The following MAPK8IP1 variants were observed in gnomAD, a reference collection of about 807,000 sequenced individuals.
MAPK8IP1 encodes C-Jun-amino-terminal kinase-interacting protein 1.
In MAPK8IP1, 17 loss-of-function variants were observed where a neutral mutation model predicts 72.6. The ratio of observed to expected loss-of-function variants is 0.23; its 90% CI spans 0.16 to 0.35. MAPK8IP1 has a LOEUF of 0.35. Among genes scored for constraint, MAPK8IP1 ranks in the 10% least tolerant of loss-of-function variants. The probability of loss-of-function intolerance (pLI) is 1.00; values close to 1 mark genes in which losing one functional copy is unlikely to be tolerated. For synonymous variants in MAPK8IP1, 401 were observed against 443.4 expected (o/e 0.90, Z 1.20); for missense variants, 789 against 1,009.7 (o/e 0.78, Z 2.96).
chr11:45,902,975 A>G lies in MAPK8IP1; in HGVS notation c.1208A>G (p.Tyr403Cys), dbSNP rs1371153625. The G allele has an allele frequency of 6.2e-7, 1 of 1,612,010 alleles. No individual in the cohort carries two copies. The highest frequency in any genetic ancestry group is 8.5e-7 in the Non-Finnish European group (1 of 1,179,888). Residue 403 changes from tyrosine to cysteine, a missense_variant, in exon 5 of 12, where the codon TAC becomes TGC. Physicochemically the swap from Tyr to Cys is radical, Grantham distance 194 (BLOSUM62 -2). This residue lies in a region of MAPK8IP1 where 377 missense variants were observed against 411.7 expected (regional missense o/e 0.92). Transcript: ENST00000241014. The surrounding 1 kb of genome is among the most constrained non-coding windows in gnomAD (Gnocchi z 9.3). ...AGCCTGCGGCCGTGCTTCGGAGACTACAGTGACGAGAGTGACTCTGCCACC... is the reference window on the plus strand; with the variant it reads ...AGCCTGCGGCCGTGCTTCGGAGACTGCAGTGACGAGAGTGACTCTGCCACC... ...LVSLRPCFGD[Y>C]SDESDSATVY...
intron 1 of MAPK8IP1, among the ~76,000 whole-genome samples, chr11:45,887,668 A>G (rs2086538004): frequency 6.6e-6 from 1 of 152,210 alleles, no homozygotes; most frequent in African/African-American, 2.4e-5. Flanking sequence ...GGAGCTGAGG[A>G]AGCAGACACC....
rs2086620882 is a variant in MAPK8IP1 at position 45,897,975 on chromosome 11, C to T, written c.102-110C>T. 4.2e-6 allele frequency: 3 copies of T among 711,240 alleles called. No individual in the cohort carries two copies. The African/African-American group carries it at 5.3e-5, about 12-fold the overall frequency. 44.1% of individuals were successfully genotyped at this position (711,240 alleles called of 1,614,324 possible). ...ACAGATGAACCCCAAATCCTGTCCT[C>T]TGGGGGCTGTGTTTGGCCTTCAAGA... On this transcript the variant is annotated intron_variant, in intron 1 of 11. Coordinates refer to ENST00000241014, the MANE Select transcript of MAPK8IP1 (RefSeq NM_005456.4).
Position 45,904,695 on chromosome 11 carries a change from G to A in MAPK8IP1, c.1777-23G>A, listed in dbSNP as rs749640146. The A allele has an allele frequency of 3.7e-6, 6 of 1,611,146 alleles. No homozygotes were observed. Among genetic ancestry groups the A allele is most frequent in the South Asian group, 2.2e-5 (2 of 91,042 alleles). On this transcript the variant is annotated intron_variant, in intron 8 of 11. Transcript: ENST00000241014. This position sits in a 1 kb window ranked among gnomAD's most constrained non-coding sequence, Gnocchi z 6.4. ...AGCAGAGGAACAGACAGCAGCTGAC[G>A]TGGCTCCATTTGTCACCTGTAGATT...
chr11:45,886,630 A>G (rs376150528), intron 1 of MAPK8IP1, among the ~76,000 whole-genome samples: 13 of 152,152 alleles, frequency 8.5e-5, no homozygotes, highest in African/African-American at 3.1e-4. Flanking sequence ...CTGAGCTCCT[A>G]TTCCACCACC....
At position 45,900,085 on chromosome 11, in the gene MAPK8IP1, G is replaced by T. The variant is rs530486701; in HGVS notation, c.208-53G>T. 2.7e-6 allele frequency: 3 copies of T among 1,109,396 alleles called. No homozygotes were observed. The highest frequency in any genetic ancestry group is 3.4e-6 in the Non-Finnish European group (3 of 894,212). The allele number at this position is 1,109,396 out of a possible 1,614,324, so 68.7% of individuals were successfully genotyped here. On this transcript the variant is annotated intron_variant, in intron 2 of 11. Coordinates refer to ENST00000241014, the MANE Select transcript of MAPK8IP1 (RefSeq NM_005456.4). The surrounding 1 kb of genome is among the most constrained non-coding windows in gnomAD (Gnocchi z 6.5). ...GCCCGGGCGGGGGGCGGTGCAAGCG[G>T]CCTCGGCCCCGCCCCGGCCCCGCCC...
At chr11:45,896,730 C>G in intron 1 of MAPK8IP1, 1 of 1,460,062 alleles carries the variant, frequency 6.8e-7, no homozygotes, top group East Asian at 2.5e-5. Context: ...GCTCCCCAGG[C>G]TTCTGCAGCA....
chr11:45,887,699 G>T (rs1252802434), intron 1 of MAPK8IP1, among the ~76,000 whole-genome samples: 2 of 152,176 alleles, frequency 1.3e-5, no homozygotes, highest in South Asian at 2.1e-4. Flanking sequence ...TGTGTGGCCA[G>T]CTCTGCGGCA....
chr11:45,902,289 G>C lies in MAPK8IP1; in HGVS notation c.605-83G>C. 1 of 1,267,054 alleles carries C rather than the reference G, an allele frequency of 7.9e-7. No homozygotes were observed. The highest frequency in any genetic ancestry group is 1.1e-6 in the Non-Finnish European group (1 of 887,848). The allele number at this position is 1,267,054 out of a possible 1,614,324, so 78.5% of individuals were successfully genotyped here. A position where few individuals can be genotyped will look rare whatever the true frequency, so the allele number is the denominator to read the frequency against. On this transcript the variant is annotated intron_variant, in intron 4 of 11. Coordinates refer to ENST00000241014, the MANE Select transcript of MAPK8IP1 (RefSeq NM_005456.4). This position sits in a 1 kb window ranked among gnomAD's most constrained non-coding sequence, Gnocchi z 9.3. The stretch of plus-strand genomic sequence containing the variant: ...CCAGGGAGGCTTTGTCTTGGTTTCT[G>C]TGTCACCAAGCTGAGAGTGGCAGGT...
At position 45,895,647 on chromosome 11, in the gene MAPK8IP1, T is replaced by A. The variant is rs1421931044; in HGVS notation, c.102-2438T>A. 1.5e-4 allele frequency among the ~76,000 whole-genome samples: 21 copies of A among 142,314 alleles called. 1 individual carries two copies. Among genetic ancestry groups the A allele is most frequent in the East Asian group, 4.0e-4 (2 of 4,942 alleles). The allele number at this position is 142,314 out of a possible 152,430, so 93.4% of individuals were successfully genotyped here. A position where few individuals can be genotyped will look rare whatever the true frequency, so the allele number is the denominator to read the frequency against. On this transcript the variant is annotated intron_variant, in intron 1 of 11. Coordinates refer to ENST00000241014, the MANE Select transcript of MAPK8IP1 (RefSeq NM_005456.4). ...AAAAAAAAAAAAATATATATATATA[T>A]ATATATATATATATGTGCAGAGGTC... is the stretch of plus-strand genomic sequence containing the variant.
In MAPK8IP1 at chr11:45,885,872, G is replaced by T; in HGVS notation, c.52G>T (p.Ala18Ser). The change falls in exon 1 of 12, where the codon GCC (alanine) becomes TCC (serine). Residue 18 changes from alanine to serine, a missense_variant. Transcript: ENST00000241014. Reference protein sequence around the residue: ...GLGGGAASPPAASPFLGLHIA... With the variant: ...GLGGGAASPPSASPFLGLHIA... ...GGGAGGGGGGGCCGCGTCCCCGCCCGCCGCCTCCCCGTTCCTGGGGCTGCA... is the reference window on the plus strand; with the variant it reads ...GGGAGGGGGGGCCGCGTCCCCGCCCTCCGCCTCCCCGTTCCTGGGGCTGCA... 1 of 1,456,658 alleles carries T rather than the reference G, an allele frequency of 6.9e-7. No individual in the cohort carries two copies. The highest frequency in any genetic ancestry group is 9.1e-7 in the Non-Finnish European group (1 of 1,100,850). 90.2% of individuals were successfully genotyped at this position (1,456,658 alleles called of 1,614,324 possible). A position where few individuals can be genotyped will look rare whatever the true frequency, so the allele number is the denominator to read the frequency against.
chr11:45,888,178 G>A (rs2086541849), intron 1 of MAPK8IP1, among the ~76,000 whole-genome samples: 1 of 152,238 alleles, frequency 6.6e-6, no homozygotes, highest in Admixed American at 6.5e-5. Flanking sequence ...ACACACACAG[G>A]CGCCTTGACC....
chr11:45,895,230 A>G (rs7114162), intron 1 of MAPK8IP1, among the ~76,000 whole-genome samples: 88,210 of 151,922 alleles, frequency 0.58, 27,902 homozygotes, highest in Middle Eastern at 0.72. Flanking sequence ...GGAGACTGAG[A>G]CAGACAGGCC....
Position 45,903,949 on chromosome 11 carries a change from C to G in MAPK8IP1, c.1494-40C>G, listed in dbSNP as rs367722310. ...CCCAGAGTAGGCCTGGCTGGACAGGCCTTGGTGCCGAATTTCTCACCTGTC... is the reference window on the plus strand; with the variant it reads ...CCCAGAGTAGGCCTGGCTGGACAGGGCTTGGTGCCGAATTTCTCACCTGTC... On this transcript the variant is annotated intron_variant, in intron 6 of 11. Transcript: ENST00000241014. This position sits in a 1 kb window ranked among gnomAD's most constrained non-coding sequence, Gnocchi z 6.4. 25 of 1,603,540 alleles carry G rather than the reference C, an allele frequency of 1.6e-5. No individual in the cohort carries two copies. Among genetic ancestry groups the G allele is most frequent in the Middle Eastern group, 2.2e-4 (1 of 4,570 alleles).
rs781341273 is a variant in MAPK8IP1 at position 45,904,150 on chromosome 11, A to G, written c.1655A>G (p.Glu552Gly). ...GCCATCGAGGTCACCAAGGAGCCCGAGCACATGGCAGGTAGTGTTCCCTCC... is the reference window on the plus strand; with the variant it reads ...GCCATCGAGGTCACCAAGGAGCCCGGGCACATGGCAGGTAGTGTTCCCTCC... ...YYAIEVTKEP[E>G]HMAALAKNSD... The change falls in exon 7 of 12, where the codon GAG becomes GGG. Residue 552 changes from glutamate (E) to glycine (G), a missense_variant. Coordinates refer to ENST00000241014, the MANE Select transcript of MAPK8IP1 (RefSeq NM_005456.4). This position sits in a 1 kb window ranked among gnomAD's most constrained non-coding sequence, Gnocchi z 6.4. 6.2e-7 allele frequency: 1 copy of G among 1,613,894 alleles called. No individual in the cohort carries two copies. Among genetic ancestry groups the G allele is most frequent in the Admixed American group, 1.7e-5 (1 of 60,018 alleles).
chr11:45,886,290 G>C (rs1331769294), intron 1 of MAPK8IP1, among the ~76,000 whole-genome samples: 1 of 152,258 alleles, frequency 6.6e-6, no homozygotes, highest in African/African-American at 2.4e-5. Flanking sequence ...CCTGTGAATA[G>C]AGCTGGGAAC....
intron 1 of MAPK8IP1, chr11:45,896,802 G>A (rs2086609680): frequency 1.9e-6 from 3 of 1,543,410 alleles, no homozygotes; most frequent in African/African-American, 1.4e-5. Flanking sequence ...CCTGCCTTGA[G>A]CCCTGGCCCC....
At chr11:45,891,748 A>G (rs532573829) in intron 1 of MAPK8IP1, among the ~76,000 whole-genome samples, 1 of 152,310 alleles carries the variant, frequency 6.6e-6, no homozygotes, top group African/African-American at 2.4e-5. Flanking sequence ...TGCTCATTTT[A>G]TTAGTTGTCA....
At chr11:45,905,281 G>A (rs764975072) in intron 11 of MAPK8IP1, 32 bp downstream of exon 11, 27 of 1,583,728 alleles carry the variant, frequency 1.7e-5, no homozygotes, top group East Asian at 9.0e-5. Context: ...CACCCAGCCC[G>A]AGGGAGCACG....
At chr11:45,896,898 A>T in intron 1 of MAPK8IP1, 3 of 1,564,382 alleles carry the variant, frequency 1.9e-6, no homozygotes, top group Non-Finnish European at 2.6e-6. Context: ...GGTGCTGAAG[A>T]TGGATTCGAG....
Sources: gnomAD v4.1 joint callset for allele counts (sites outside exome capture counted in the v4.1 genomes callset) on GRCh38, gnomAD v4.1.1 for gene constraint, gnomAD v4.1.1 regional missense constraint, Gnocchi (gnomAD v3.1) non-coding constraint, MANE v1.5 for transcripts, NCBI Gene and HGNC (gene_info 2026-07-23, HGNC 2026-07-21) for gene names.